AEBP2: variants seen among roughly 807,000 people sequenced by gnomAD.
AEBP2 encodes the protein zinc finger protein AEBP2.
Under a neutral mutation model 50.8 loss-of-function variants are expected in AEBP2, and 10 were observed. That is an observed-to-expected ratio of 0.20 (90% confidence interval 0.12 to 0.33). The LOEUF is 0.33. Ranked by LOEUF, AEBP2 falls within the 10% of genes least tolerant of loss-of-function variation. The pLI, the probability that AEBP2 is intolerant of heterozygous loss-of-function variation, is 1.00. For missense variants in AEBP2, 570 were observed against 688.0 expected (o/e 0.83, Z 1.92); for synonymous variants, 296 against 261.3 (o/e 1.13, Z -1.28).
intron 1 of AEBP2, among the ~76,000 whole-genome samples, chr12:19,416,214 CT>C (rs2095742505): frequency 6.6e-6 from 1 of 152,078 alleles, no homozygotes; most frequent in Admixed American, 6.6e-5. Context: ...CAAAACCCAA[CT>C]TTGGTTACTT....
In AEBP2 at chr12:19,481,410, C is replaced by T. The variant is rs938398719; in HGVS notation, c.987+8055C>T. Among the ~76,000 whole-genome samples, 11 of 151,410 alleles carry T rather than the reference C, an allele frequency of 7.3e-5. No homozygotes were observed. In the East Asian group the frequency reaches 1.8e-3, roughly 24 times the overall value. On this transcript the variant is annotated intron_variant, in intron 3 of 7. Transcript: ENST00000266508. ...GAGCCACTGTGCCTGGCCTTCAGTGCGTTTTCTGTTTCTCTTAAGTGTGCC... is the reference window on the plus strand; with the variant it reads ...GAGCCACTGTGCCTGGCCTTCAGTGTGTTTTCTGTTTCTCTTAAGTGTGCC...
At chr12:19,481,072 T>C (rs1020588880) in intron 3 of AEBP2, among the ~76,000 whole-genome samples, 1 of 150,778 alleles carries the variant, frequency 6.6e-6, no homozygotes, top group Non-Finnish European at 1.5e-5. Context: ...TCTACTGTTA[T>C]TGAAACTTTG....
chr12:19,509,001 T>A, intron 5 of AEBP2: 3 of 533,028 alleles, frequency 5.6e-6, no homozygotes, highest in East Asian at 4.5e-5. Flanking sequence ...GTTGTTTACC[T>A]TTTTACTAAG....
chr12:19,484,041 G>A (rs1323798715), intron 3 of AEBP2, among the ~76,000 whole-genome samples: 1 of 152,026 alleles, frequency 6.6e-6, no homozygotes, highest in Non-Finnish European at 1.5e-5. Flanking sequence ...TTGGATTTTT[G>A]CTAATCTCAT....
intron 5 of AEBP2, among the ~76,000 whole-genome samples, chr12:19,505,045 A>G (rs1270520091): frequency 6.6e-6 from 1 of 152,172 alleles, no homozygotes; most frequent in African/African-American, 2.4e-5. Context: ...CATAGGAAAT[A>G]CATTTATCTA....
At chr12:19,514,511 G>C (rs1949290082) in intron 6 of AEBP2, among the ~76,000 whole-genome samples, 160 bp from the exon 7 acceptor site, 1 of 152,178 alleles carries the variant, frequency 6.6e-6, no homozygotes, top group South Asian at 2.1e-4. Flanking sequence ...TCCAAGTCCT[G>C]CTATTAAGGT....
At chr12:19,478,150 G>C (rs2153373348) in intron 3 of AEBP2, among the ~76,000 whole-genome samples, 1 of 152,160 alleles carries the variant, frequency 6.6e-6, no homozygotes, top group South Asian at 2.1e-4. Context: ...TTTACCTTTT[G>C]TATTGTTGTT....
At chr12:19,416,644 G>A (rs2095742745) in intron 1 of AEBP2, among the ~76,000 whole-genome samples, 2 of 145,914 alleles carry the variant, frequency 1.4e-5, no homozygotes, top group East Asian at 2.1e-4. Flanking sequence ...TTTTTCTTGA[G>A]ACAGAGTCTC....
chr12:19,480,474 T>TA (rs1948710789), intron 3 of AEBP2, among the ~76,000 whole-genome samples: 1 of 152,230 alleles, frequency 6.6e-6, no homozygotes, highest in Non-Finnish European at 1.5e-5. Flanking sequence ...GCATTTCTTG[T>TA]AGTGCTGGCT....
intron 3 of AEBP2, among the ~76,000 whole-genome samples, chr12:19,473,700 C>T (rs1948606732): frequency 6.6e-6 from 1 of 152,184 alleles, no homozygotes; most frequent in South Asian, 2.1e-4. Context: ...GCCACTGCGC[C>T]TGGCTGTTTT....
intron 5 of AEBP2, among the ~76,000 whole-genome samples, chr12:19,502,366 TC>T (rs1949094685): frequency 6.6e-6 from 1 of 152,144 alleles, no homozygotes; most frequent in African/African-American, 2.4e-5. Context: ...ACTCCTGACC[TC>T]AAGTGATCTG....
At chr12:19,466,174 T>TA (rs1469051692) in intron 2 of AEBP2, among the ~76,000 whole-genome samples, 1 of 151,938 alleles carries the variant, frequency 6.6e-6, no homozygotes, top group African/African-American at 2.4e-5. Context: ...AAATGAACTT[T>TA]AAAAAAACAA....
intron 5 of AEBP2, among the ~76,000 whole-genome samples, chr12:19,511,033 C>G (rs1336938570): frequency 1.3e-5 from 2 of 151,664 alleles, no homozygotes; most frequent in Non-Finnish European, 2.9e-5. Context: ...GACAGGATCT[C>G]CCTATGTTGC....
At chr12:19,441,655 G>A (rs970623618) in intron 1 of AEBP2, among the ~76,000 whole-genome samples, 1 of 152,168 alleles carries the variant, frequency 6.6e-6, no homozygotes, top group African/African-American at 2.4e-5. Context: ...TGACATTAAC[G>A]TCTAGTTAAG....
At chr12:19,484,250 A>ATTTTT (rs59403434) in intron 3 of AEBP2, among the ~76,000 whole-genome samples, 4 of 107,504 alleles carry the variant, frequency 3.7e-5, no homozygotes, top group Middle Eastern at 5.3e-3. Flanking sequence ...CGCCCAGCCA[A>ATTTTT]TTTTTTTTTT....
chr12:19,438,266 A>T (rs1947881753), upstream of AEBP2, among the ~76,000 whole-genome samples: 1 of 152,196 alleles, frequency 6.6e-6, no homozygotes, highest in Non-Finnish European at 1.5e-5. Flanking sequence ...CAGCTGACAG[A>T]TCATTAAAAG....
At chr12:19,413,378 T>A in intron 1 of AEBP2, 1 of 1,042,896 alleles carries the variant, frequency 9.6e-7, no homozygotes. Context: ...CTTTAAAAAG[T>A]AAGCCAACAA....
chr12:19,448,984 T>C (rs1347917155), intron 1 of AEBP2, among the ~76,000 whole-genome samples: 2 of 152,318 alleles, frequency 1.3e-5, no homozygotes, highest in Non-Finnish European at 2.9e-5. Flanking sequence ...CTGGCCATCA[T>C]TACTTTTCAT....
intron 1 of AEBP2, among the ~76,000 whole-genome samples, chr12:19,428,851 C>A (rs78986614): frequency 0.048 from 7,329 of 151,962 alleles, 394 homozygotes; most frequent in Admixed American, 0.15. Flanking sequence ...TTTAAAAAAT[C>A]ATTTAGGCGG....
Sources: allele counts gnomAD v4.1 joint callset (sites outside exome capture counted in the v4.1 genomes callset), GRCh38; gene constraint gnomAD v4.1.1; transcripts MANE v1.5; gene names NCBI Gene and HGNC (gene_info 2026-07-23, HGNC 2026-07-21).